C4orf51: variants seen among roughly 807,000 people sequenced by gnomAD.
C4orf51 encodes the protein uncharacterized protein C4orf51.
C4orf51 carries 25 observed loss-of-function variants against 25.2 expected under a neutral mutation model. The ratio of observed to expected loss-of-function variants is 0.99; its 90% CI spans 0.72 to 1.39. The LOEUF is 1.39. Ranked by LOEUF, C4orf51 falls within the 40% of genes most tolerant of loss-of-function variation. C4orf51 has a pLI of 0.00. For synonymous variants in C4orf51, 100 were observed against 84.5 expected (o/e 1.18, Z -1.01); for missense variants, 252 against 239.6 (o/e 1.05, Z -0.34).
chr4:145,771,273 C>T (rs537498805), downstream of C4orf51, among the ~76,000 whole-genome samples: 1 of 151,996 alleles, frequency 6.6e-6, no homozygotes, highest in Non-Finnish European at 1.5e-5. Context: ...TCAGATCTCT[C>T]GATTGTTTTC....
intron 3 of C4orf51, 45 bp downstream of exon 3, chr4:145,727,014 A>T: frequency 6.9e-7 from 1 of 1,440,874 alleles, no homozygotes; most frequent in Non-Finnish European, 9.8e-7. Context: ...TAGAGAGCTT[A>T]AATTATTATA....
chr4:145,755,821 G>A (rs1390353217), downstream of C4orf51, among the ~76,000 whole-genome samples: 1 of 152,216 alleles, frequency 6.6e-6, no homozygotes, highest in Non-Finnish European at 1.5e-5. Flanking sequence ...ATTGGCTGGA[G>A]TATCTTGAAT....
At position 145,729,855 on chromosome 4, in the gene C4orf51, C is replaced by T. The variant is rs149172997; in HGVS notation, c.428-37C>T. 946 of 1,557,664 alleles carry T rather than the reference C, an allele frequency of 6.1e-4. 5 individuals carry two copies. The African/African-American group carries it at 8.6e-3, about 14-fold the overall frequency. On this transcript the variant is annotated intron_variant, in intron 4 of 5. Transcript: ENST00000438731. ...TTCACTTATGGTAGACTCTCTTTATCGCAAACACTCACACATTGGCTATCT... is the reference window on the plus strand; with the variant it reads ...TTCACTTATGGTAGACTCTCTTTATTGCAAACACTCACACATTGGCTATCT...
chr4:145,703,164 T>A (rs59578560), intron 2 of C4orf51, among the ~76,000 whole-genome samples: 84,102 of 148,764 alleles, frequency 0.57, 24,109 homozygotes, highest in Admixed American at 0.65. Flanking sequence ...GAATATGCCC[T>A]GCCCCACCTT....
intron 1 of C4orf51, 147 bp downstream of exon 1, chr4:145,680,583 G>T: frequency 3.2e-6 from 2 of 630,938 alleles, no homozygotes; most frequent in Non-Finnish European, 5.4e-6. Context: ...AGGAAGAAGA[G>T]CTAAATGTCA....
At chr4:145,760,980 GAAGGC>G in intron 1 of C4orf51, 1 of 1,248,560 alleles carries the variant, frequency 8.0e-7, no homozygotes, top group Non-Finnish European at 1.0e-6. Flanking sequence ...GGGAGCCGTT[GAAGGC>G]CAAAGCCTTG....
chr4:145,742,814 G>A (rs2126796688), intron 1 of C4orf51, among the ~76,000 whole-genome samples: 1 of 152,026 alleles, frequency 6.6e-6, no homozygotes, highest in East Asian at 1.9e-4. Flanking sequence ...TGCTGGGATT[G>A]TAGGCGTGAG....
At chr4:145,718,838 C>G (rs571559845) in intron 2 of C4orf51, among the ~76,000 whole-genome samples, 88 of 152,326 alleles carry the variant, frequency 5.8e-4, no homozygotes, top group African/African-American at 2.0e-3. Context: ...GACCTTTACA[C>G]GTGCTGTAAT....
chr4:145,698,427 A>C (rs1477732665), intron 2 of C4orf51, among the ~76,000 whole-genome samples: 1 of 152,256 alleles, frequency 6.6e-6, no homozygotes, highest in Admixed American at 6.5e-5. Flanking sequence ...ATGTGCTACC[A>C]GGTCAGAGGC....
the C4orf51 span, among the ~76,000 whole-genome samples, chr4:145,789,190 T>C: frequency 1.3e-5 from 2 of 152,188 alleles, no homozygotes; most frequent in Non-Finnish European, 2.9e-5. Flanking sequence ...TCCTCGATAT[T>C]TTCCTCAAAC....
intron 5 of C4orf51, among the ~76,000 whole-genome samples, chr4:145,730,932 T>C (rs575405667): frequency 6.6e-6 from 1 of 152,214 alleles, no homozygotes; most frequent in Non-Finnish European, 1.5e-5. Context: ...ATGGTGCAGT[T>C]TTTCTCAACT....
intron 1 of C4orf51, among the ~76,000 whole-genome samples, chr4:145,739,896 A>G (rs2126791051): frequency 6.6e-6 from 1 of 152,306 alleles, no homozygotes; most frequent in South Asian, 2.1e-4. Context: ...TGAGATATGC[A>G]TAGTCTCTGC....
intron 1 of C4orf51, among the ~76,000 whole-genome samples, chr4:145,692,754 A>C (rs1578929184): frequency 6.6e-6 from 1 of 152,160 alleles, no homozygotes; most frequent in Non-Finnish European, 1.5e-5. Context: ...GAGGCCCTAA[A>C]ATAATTACTA....
chr4:145,769,308 C>T (rs1195732009), intron 1 of C4orf51, among the ~76,000 whole-genome samples: 1 of 152,104 alleles, frequency 6.6e-6, no homozygotes, highest in African/African-American at 2.4e-5. Flanking sequence ...ATTTGCTTAT[C>T]AGTATATATT....
chr4:145,744,440 A>T (rs1733254952), intron 1 of C4orf51, among the ~76,000 whole-genome samples: 1 of 152,196 alleles, frequency 6.6e-6, no homozygotes, highest in Non-Finnish European at 1.5e-5. Flanking sequence ...TTCGGCAGGA[A>T]ATTATTACTC....
chr4:145,714,146 C>G (rs1731275436), intron 2 of C4orf51, among the ~76,000 whole-genome samples: 1 of 152,152 alleles, frequency 6.6e-6, no homozygotes, highest in South Asian at 2.1e-4. Context: ...GTAAACATAA[C>G]TTCTATGTGC....
At chr4:145,736,371 C>A (rs1246353611), downstream of C4orf51, among the ~76,000 whole-genome samples, 3 of 151,978 alleles carry the variant, frequency 2.0e-5, no homozygotes, top group Admixed American at 2.0e-4. Context: ...GACAGGATTT[C>A]ACAGGCCCTC....
At chr4:145,740,256 A>G (rs1038341788) in intron 1 of C4orf51, among the ~76,000 whole-genome samples, 53 of 40,598 alleles carry the variant, frequency 1.3e-3, no homozygotes, top group African/African-American at 2.1e-3. Context: ...AAAAAAAAAA[A>G]AAAAAAAAAA....
At chr4:145,683,783 T>C (rs1305052657) in intron 1 of C4orf51, among the ~76,000 whole-genome samples, 2 of 152,140 alleles carry the variant, frequency 1.3e-5, no homozygotes. Context: ...AATGCAAAAC[T>C]ATAAAACTCC....
Sources: gnomAD v4.1 joint callset for allele counts (sites outside exome capture counted in the v4.1 genomes callset) on GRCh38, gnomAD v4.1.1 for gene constraint, MANE v1.5 for transcripts, NCBI Gene and HGNC (gene_info 2026-07-23, HGNC 2026-07-21) for gene names.